The following DPP6 variants were observed in gnomAD, a reference collection of about 807,000 sequenced individuals.
The protein encoded by DPP6 is dipeptidyl peptidase like 6, also known as A-type potassium channel modulatory protein DPP6.
In DPP6, 69 loss-of-function variants were observed where a neutral mutation model predicts 122.6. The observed-to-expected ratio is 0.56, with a 90% CI of 0.46 to 0.69. The LOEUF (loss-of-function observed/expected upper bound fraction) is 0.69. DPP6 is among the 30% of genes least tolerant of loss of function. DPP6 has a pLI of 0.00. For synonymous variants in DPP6, 418 were observed against 433.1 expected, an observed-to-expected ratio of 0.97 and a Z score of 0.43; for missense variants, 928 against 1,116.9, an observed-to-expected ratio of 0.83 and a Z score of 2.41.
At chr7:154,337,089 A>C (rs140421376) in intron 1 of DPP6, among the ~76,000 whole-genome samples, 1 of 152,198 alleles carries the variant, frequency 6.6e-6, no homozygotes, top group African/African-American at 2.4e-5. Context: ...TCCCAGGTAT[A>C]GAAAGTTACA....
At chr7:154,705,423 T>G (rs117239939) in intron 7 of DPP6, among the ~76,000 whole-genome samples, 2,377 of 152,306 alleles carry the variant, frequency 0.016, 35 homozygotes, top group Non-Finnish European at 0.026. Context: ...TCTCGCTCTC[T>G]TCCAGTGCAA....
chr7:154,147,400 CT>C (rs1283621988), intron 1 of DPP6, among the ~76,000 whole-genome samples: 3 of 152,170 alleles, frequency 2.0e-5, no homozygotes, highest in Non-Finnish European at 4.4e-5. Context: ...TTGTTAACCA[CT>C]TTCCTGTAGG....
intron 1 of DPP6, among the ~76,000 whole-genome samples, chr7:154,157,732 G>A (rs555729911): frequency 2.0e-5 from 3 of 152,018 alleles, no homozygotes; most frequent in Non-Finnish European, 2.9e-5. Context: ...TCGGGAGTTC[G>A]AGACCAGCCT....
At chr7:154,255,325 T>C (rs533534278) in intron 1 of DPP6, among the ~76,000 whole-genome samples, 1 of 152,324 alleles carries the variant, frequency 6.6e-6, no homozygotes, top group African/African-American at 2.4e-5. Flanking sequence ...TTTTATGTTA[T>C]GCCAGAGAGG....
At chr7:154,753,142 C>G (rs908179994) in intron 8 of DPP6, among the ~76,000 whole-genome samples, 1 of 152,156 alleles carries the variant, frequency 6.6e-6, no homozygotes, top group Non-Finnish European at 1.5e-5. Context: ...CGGTCCTGCC[C>G]AGGCTACAAA....
At chr7:154,880,415 G>A (rs1343992397) in intron 20 of DPP6, among the ~76,000 whole-genome samples, 2 of 152,258 alleles carry the variant, frequency 1.3e-5, no homozygotes, top group African/African-American at 4.8e-5. Flanking sequence ...GGGAACAGAA[G>A]GCTGTGCAGG....
intron 2 of DPP6, among the ~76,000 whole-genome samples, chr7:154,470,640 T>C (rs1011303253): frequency 6.6e-6 from 1 of 152,162 alleles, no homozygotes; most frequent in Non-Finnish European, 1.5e-5. Flanking sequence ...GCATTACACA[T>C]TGGCCACCGT....
intron 21 of DPP6, among the ~76,000 whole-genome samples, chr7:154,883,287 T>C (rs62649262): frequency 1.4e-5 from 2 of 138,570 alleles, no homozygotes; most frequent in Non-Finnish European, 3.1e-5. Flanking sequence ...TGCTCACACA[T>C]ACACACACAT....
intron 16 of DPP6, among the ~76,000 whole-genome samples, chr7:154,841,646 C>G (rs887931076): frequency 1.3e-5 from 2 of 151,668 alleles, no homozygotes; most frequent in African/African-American, 4.9e-5. Context: ...ATCATGAGCC[C>G]TGAGTGTCAC....
chr7:154,812,013 C>G (rs1799091413), intron 16 of DPP6, among the ~76,000 whole-genome samples: 1 of 152,200 alleles, frequency 6.6e-6, no homozygotes, highest in Non-Finnish European at 1.5e-5. Context: ...AATCTGTAAA[C>G]ATGCCCACAT....
exon 1 of DPP6, chr7:153,887,323 T>A (rs943195986): frequency 2.2e-4 from 40 of 178,564 alleles, no homozygotes; most frequent in African/African-American, 9.2e-4. Context: ...CCGAGCTCGG[T>A]GGACACGCGC....
chr7:154,001,887 G>A (rs1021159235), intron 1 of DPP6, among the ~76,000 whole-genome samples: 3 of 151,994 alleles, frequency 2.0e-5, no homozygotes, highest in Admixed American at 2.0e-4. Flanking sequence ...CATTCCTGGT[G>A]GCATCTTGAG....
intron 5 of DPP6, among the ~76,000 whole-genome samples, chr7:154,586,639 T>C (rs1832469866): frequency 6.6e-6 from 1 of 152,192 alleles, no homozygotes; most frequent in Non-Finnish European, 1.5e-5. Context: ...TTCTCTAGAT[T>C]AGCTAAGCCA....
At chr7:154,834,920 T>C (rs1800930901) in intron 16 of DPP6, among the ~76,000 whole-genome samples, 1 of 152,220 alleles carries the variant, frequency 6.6e-6, no homozygotes, top group South Asian at 2.1e-4. Context: ...TGACTGCTTC[T>C]GTGCCGTATT....
rs762178479 is a variant in DPP6 at position 154,892,391 on chromosome 7, C to G, written c.2509C>G (p.Arg837Gly). 1.9e-6 allele frequency: 3 copies of G among 1,614,048 alleles called. No individual in the cohort carries two copies. The Admixed American group carries it at 5.0e-5, about 27-fold the overall frequency. The change falls in exon 26 of 26, where the codon CGG (arginine) becomes GGG (glycine). Residue 837 changes from arginine to glycine, a missense_variant. By Grantham distance (125) the Arg-to-Gly change is moderately radical. Transcript: ENST00000377770. ...TSSSLKQHLY[R>G]SIINFFVECF... Reference sequence around the variant, plus strand: ...CTCCAGCCTCAAACAGCATCTGTACCGGTCCATCATCAACTTCTTCGTGGA... The same window carrying G: ...CTCCAGCCTCAAACAGCATCTGTACGGGTCCATCATCAACTTCTTCGTGGA...
Position 154,217,228 on chromosome 7 carries a change from G to T in DPP6, c.243+164165G>T, listed in dbSNP as rs113235708. ...AAGGACAGTTTGAGGGTTTACTCTT[G>T]TTTTCATGGGAGCATTGGTGCGGGT... is the stretch of plus-strand genomic sequence containing the variant. On this transcript the variant is annotated intron_variant, in intron 1 of 25. Coordinates refer to ENST00000377770, the MANE Select transcript of DPP6 (RefSeq NM_130797.4). Among the ~76,000 whole-genome samples the T allele has an allele frequency of 1.2e-3, 186 of 152,224 alleles. 1 individual carries two copies. Among genetic ancestry groups the T allele is most frequent in the African/African-American group, 4.1e-3 (170 of 41,552 alleles).
At chr7:154,561,717 C>A (rs1830438398) in intron 4 of DPP6, among the ~76,000 whole-genome samples, 1 of 151,802 alleles carries the variant, frequency 6.6e-6, no homozygotes, top group Admixed American at 6.6e-5. Flanking sequence ...ACACAGAAAA[C>A]AGAAAAATGT....
At position 154,602,549 on chromosome 7, in the gene DPP6, C is replaced by T. The variant is rs1586716323; in HGVS notation, c.628-35272C>T. Among the ~76,000 whole-genome samples the T allele has an allele frequency of 1.7e-5, 2 of 116,692 alleles. 1 individual carries two copies. Among genetic ancestry groups the T allele is most frequent in the Non-Finnish European group, 3.8e-5 (2 of 52,242 alleles). The allele number at this position is 116,692 out of a possible 152,430, so 76.6% of individuals were successfully genotyped here. ...TCTCCCGCCTCAGCCTCCCATTTCT[C>T]GAGTAGCTGGGATTATAGGCACCCA... On this transcript the variant is annotated intron_variant, in intron 5 of 25. Transcript: ENST00000377770.
chr7:154,682,247 G>T (rs1182149416), intron 7 of DPP6, among the ~76,000 whole-genome samples: 1 of 152,224 alleles, frequency 6.6e-6, no homozygotes, highest in East Asian at 1.9e-4. Flanking sequence ...TGTTTGTTAT[G>T]CTGTGAAAGA....
Sources: gnomAD v4.1 joint callset for allele counts (sites outside exome capture counted in the v4.1 genomes callset) on GRCh38, gnomAD v4.1.1 for gene constraint, MANE v1.5 for transcripts, NCBI Gene and HGNC (gene_info 2026-07-23, HGNC 2026-07-21) for gene names.